The following NPAS3 variants were observed in gnomAD, a reference collection of about 807,000 sequenced individuals.
NPAS3 encodes neuronal PAS domain protein 3, also known as neuronal PAS domain-containing protein 3.
Under a neutral mutation model 73.1 loss-of-function variants are expected in NPAS3, and 14 were observed. The observed-to-expected ratio is 0.19, with a 90% CI of 0.13 to 0.30. The LOEUF is 0.30. Among genes scored for constraint, NPAS3 ranks in the 10% least tolerant of loss-of-function variants. The probability of loss-of-function intolerance (pLI) is 1.00; values close to 1 mark genes in which losing one functional copy is unlikely to be tolerated. For synonymous variants in NPAS3, 620 were observed against 541.5 expected, an observed-to-expected ratio of 1.14 and a Z score of -2.01; for missense variants, 1,096 against 1,250.0, an observed-to-expected ratio of 0.88 and a Z score of 1.86.
At chr14:33,230,218 G>GCCAGAAGCGTTTACACAA (rs2047796051) in intron 3 of NPAS3, among the ~76,000 whole-genome samples, 1 of 152,182 alleles carries the variant, frequency 6.6e-6, no homozygotes, top group Non-Finnish European at 1.5e-5. Flanking sequence ...TGAAGGAAAT[G>GCCAGAAGCGTTTACACAA]CCAGAAGCGT....
intron 7 of NPAS3, among the ~76,000 whole-genome samples, chr14:33,743,260 T>C (rs1260126593): frequency 6.6e-6 from 1 of 152,248 alleles, no homozygotes; most frequent in Non-Finnish European, 1.5e-5. Context: ...AAAGTCAAAA[T>C]TACTCTTTAA....
intron 4 of NPAS3, among the ~76,000 whole-genome samples, chr14:33,549,592 TGA>T (rs2055013312): frequency 6.6e-6 from 1 of 152,154 alleles, no homozygotes; most frequent in Non-Finnish European, 1.5e-5. Flanking sequence ...AGAAGATATG[TGA>T]GTCTATTATC....
At chr14:33,659,264 TCTTTA>T (rs2059237491) in intron 5 of NPAS3, among the ~76,000 whole-genome samples, 2 of 152,328 alleles carry the variant, frequency 1.3e-5, no homozygotes, top group Middle Eastern at 3.4e-3. Flanking sequence ...GCCATTATTA[TCTTTA>T]CTTTATAACA....
chr14:33,498,987 T>G (rs1361419833), intron 4 of NPAS3, among the ~76,000 whole-genome samples: 4 of 129,980 alleles, frequency 3.1e-5, no homozygotes, highest in East Asian at 2.2e-4. Context: ...TGTGTGTGTG[T>G]GTGGTGGGAA....
intron 4 of NPAS3, among the ~76,000 whole-genome samples, chr14:33,556,005 T>A (rs1427083601): frequency 6.6e-6 from 1 of 152,126 alleles, no homozygotes; most frequent in Non-Finnish European, 1.5e-5. Flanking sequence ...ATTGACTGGA[T>A]GTCTTTGTGT....
intron 3 of NPAS3, among the ~76,000 whole-genome samples, chr14:33,228,287 G>A (rs548988369): frequency 6.6e-6 from 1 of 152,232 alleles, no homozygotes; most frequent in African/African-American, 2.4e-5. Context: ...GATATTTGAA[G>A]CATTTCTTAG....
intron 1 of NPAS3, among the ~76,000 whole-genome samples, chr14:33,030,180 A>G (rs1342302123): frequency 6.6e-6 from 1 of 152,212 alleles, no homozygotes; most frequent in Non-Finnish European, 1.5e-5. Flanking sequence ...CTTAAATTTT[A>G]TAGAACTAAA....
rs576301758 is a variant in NPAS3, at chr14:32,945,879, G to A, written c.50+6513G>A. Among the ~76,000 whole-genome samples, 12 of 152,252 alleles carry A rather than the reference G, an allele frequency of 7.9e-5. No homozygotes were observed. The East Asian group carries it at 2.3e-3, about 29-fold the overall frequency. ...TTCAGGGCAGATTTGTAGCTGAGTG[G>A]TGCCAGAAGAATCAGTTTGCCACGT... On this transcript the variant is annotated intron_variant, in intron 1 of 11. Transcript: ENST00000356141.
intron 4 of NPAS3, among the ~76,000 whole-genome samples, chr14:33,524,865 C>T (rs2053724654): frequency 1.3e-5 from 2 of 152,222 alleles, no homozygotes; most frequent in South Asian, 4.2e-4. Context: ...GTGTCATTCA[C>T]CGTGTGTGTC....
In NPAS3 at chr14:33,186,334, A is replaced by G. The variant is rs1033005544; in HGVS notation, c.141-28848A>G. On this transcript the variant is annotated intron_variant, in intron 2 of 11. Coordinates refer to ENST00000356141, the Ensembl canonical transcript of NPAS3. ...ATTATCTTATAGTGTTGAGGGCTGT[A>G]ATGATTTTATTGTAGAGATGGTCTG... 3.3e-5 allele frequency among the ~76,000 whole-genome samples: 5 copies of G among 152,306 alleles called. 1 individual carries two copies. The South Asian group carries it at 1.0e-3, about 32-fold the overall frequency.
intron 3 of NPAS3, among the ~76,000 whole-genome samples, chr14:33,319,701 A>C (rs1439468524): frequency 1.3e-5 from 2 of 152,016 alleles, no homozygotes; most frequent in Non-Finnish European, 1.5e-5. Context: ...CCCTAAGTTC[A>C]CTTTTCTTTG....
chr14:33,680,307 T>C (rs985046446), intron 6 of NPAS3, among the ~76,000 whole-genome samples: 1 of 152,224 alleles, frequency 6.6e-6, no homozygotes, highest in African/African-American at 2.4e-5. Context: ...AATAGTAATA[T>C]TCTCTATATT....
chr14:33,577,383 C>T (rs549851071), intron 5 of NPAS3, among the ~76,000 whole-genome samples: 6 of 152,226 alleles, frequency 3.9e-5, no homozygotes, highest in South Asian at 4.2e-4. Context: ...GTATTTTTCA[C>T]GTTTGTTTTA....
chr14:33,386,469 T>C (rs1459709756), intron 4 of NPAS3, among the ~76,000 whole-genome samples: 2 of 151,844 alleles, frequency 1.3e-5, no homozygotes, highest in Non-Finnish European at 2.9e-5. Context: ...TGGGCAGATG[T>C]ATGTACTGGG....
intron 4 of NPAS3, among the ~76,000 whole-genome samples, chr14:33,370,549 T>G (rs990061074): frequency 6.6e-6 from 1 of 152,076 alleles, no homozygotes; most frequent in Non-Finnish European, 1.5e-5. Flanking sequence ...GAAGAGTCCA[T>G]GGAGAGGGCT....
chr14:33,126,452 T>G (rs946438382), intron 2 of NPAS3, among the ~76,000 whole-genome samples: 1 of 152,078 alleles, frequency 6.6e-6, no homozygotes, highest in African/African-American at 2.4e-5. Context: ...CCCCAGATAT[T>G]ACTCTGAGAT....
At chr14:33,520,585 C>T (rs930148250) in intron 4 of NPAS3, among the ~76,000 whole-genome samples, 5 of 151,974 alleles carry the variant, frequency 3.3e-5, no homozygotes, top group African/African-American at 7.3e-5. Flanking sequence ...ATAAAAGTGC[C>T]GTTTTGAGTT....
intron 7 of NPAS3, among the ~76,000 whole-genome samples, chr14:33,767,022 T>A (rs2140859972): frequency 6.6e-6 from 1 of 152,332 alleles, no homozygotes; most frequent in Admixed American, 6.5e-5. Flanking sequence ...TGCTTCTGCC[T>A]CCCAGAAGGT....
intron 3 of NPAS3, among the ~76,000 whole-genome samples, chr14:33,257,193 T>C (rs1224329698): frequency 6.6e-6 from 1 of 152,188 alleles, no homozygotes; most frequent in Non-Finnish European, 1.5e-5. Context: ...TCCCAGAAAC[T>C]GATGGTGCCA....
Sources: gnomAD v4.1 joint callset for allele counts (sites outside exome capture counted in the v4.1 genomes callset) on GRCh38, gnomAD v4.1.1 for gene constraint, MANE v1.5 for transcripts, NCBI Gene and HGNC (gene_info 2026-07-23, HGNC 2026-07-21) for gene names.